FABP3: variants seen among roughly 807,000 people sequenced by gnomAD.
FABP3 encodes the protein fatty acid-binding protein, heart.
A neutral mutation model predicts 13.4 loss-of-function variants in FABP3; 8 were observed. The observed-to-expected ratio is 0.60, with a 90% CI of 0.35 to 1.07. FABP3 has a LOEUF of 1.07. FABP3 is among the 50% of genes least tolerant of loss of function. FABP3 has a pLI of 0.02. For missense variants in FABP3, 135 were observed against 164.7 expected (o/e 0.82, Z 0.99); for synonymous variants, 64 against 60.0 (o/e 1.07, Z -0.31).
chr1:31,366,002 C>T (rs1324586037), intron 3 of FABP3, 63 bp from the exon 4 acceptor site: 1 of 1,393,766 alleles, frequency 7.2e-7, no homozygotes, highest in African/African-American at 1.4e-5. Flanking sequence ...AGCATTCTAC[C>T]CTCCCTTCCT....
At chr1:31,367,776 A>G (rs1199939177) in intron 2 of FABP3, among the ~76,000 whole-genome samples, 1 of 152,158 alleles carries the variant, frequency 6.6e-6, no homozygotes, top group East Asian at 1.9e-4. Flanking sequence ...TGGCTCTGAG[A>G]AGTACCACAA....
intron 1 of FABP3, among the ~76,000 whole-genome samples, chr1:31,371,553 A>G (rs1277101394): frequency 6.6e-6 from 1 of 152,200 alleles, no homozygotes; most frequent in Non-Finnish European, 1.5e-5. Flanking sequence ...CTGCCTTAAC[A>G]TAAGCTGCTG....
At chr1:31,362,004 G>A (rs978162072), downstream of FABP3, among the ~76,000 whole-genome samples, 1 of 152,014 alleles carries the variant, frequency 6.6e-6, no homozygotes, top group Non-Finnish European at 1.5e-5. Context: ...TAGAGACAGG[G>A]TTTCACCATG....
At chr1:31,363,269 C>T (rs1343433053), downstream of FABP3, among the ~76,000 whole-genome samples, 5 of 151,620 alleles carry the variant, frequency 3.3e-5, no homozygotes, top group African/African-American at 2.4e-5. Context: ...CTGCAAGCTC[C>T]GCCTCCTGGG....
In FABP3 at chr1:31,372,334, A is replaced by G. The variant is rs569883891; in HGVS notation, c.73+608T>C. ...CAGACAGTGATGAAGGCCTGGATAC[A>G]TAGACTGCAGGACAAGGTCAGACTG... On this transcript the variant is annotated intron_variant, in intron 1 of 3. Transcript: ENST00000373713. Among the ~76,000 whole-genome samples, 6 of 152,264 alleles carry G rather than the reference A, an allele frequency of 3.9e-5. No homozygotes were observed. In the East Asian group the frequency reaches 1.2e-3, roughly 29 times the overall value.
At chr1:31,360,217 T>A in the FABP3 span, among the ~76,000 whole-genome samples, 2 of 151,964 alleles carry the variant, frequency 1.3e-5, no homozygotes, top group African/African-American at 2.4e-5. Flanking sequence ...TTGCCCAGGC[T>A]GGAGTGCAGT....
Position 31,365,882 on chromosome 1 carries a change from C to G in FABP3, c.*4G>C. ...GAGTAGTAGTCAGCAACAGTGCAGT[C>G]AGGTCATGCCTCTTTCTCATAAGTG... On this transcript the variant is annotated 3_prime_UTR_variant, in exon 4 of 4. Transcript: ENST00000373713. 1 of 1,613,834 alleles carries G rather than the reference C, an allele frequency of 6.2e-7. No homozygotes were observed. Among genetic ancestry groups the G allele is most frequent in the Non-Finnish European group, 8.5e-7 (1 of 1,179,886 alleles).
At position 31,372,863 on chromosome 1, in the gene FABP3, C is replaced by T. The variant is rs548893219; in HGVS notation, c.73+79G>A. The stretch of plus-strand genomic sequence containing the variant: ...TCCCCAGTCTTAACCAGGAGGGATG[C>T]GGCAGGAGTGCTGCGTGGGGCTAGG... On this transcript the variant is annotated intron_variant, in intron 1 of 3. Coordinates refer to ENST00000373713, the MANE Select transcript of FABP3 (RefSeq NM_004102.5). 1.8e-5 allele frequency: 24 copies of T among 1,352,140 alleles called. No individual in the cohort carries two copies. The East Asian group carries it at 2.5e-4, about 14-fold the overall frequency. 83.8% of individuals were successfully genotyped at this position (1,352,140 alleles called of 1,614,324 possible).
downstream of FABP3, among the ~76,000 whole-genome samples, chr1:31,363,435 G>A (rs569488347): frequency 2.6e-5 from 4 of 152,162 alleles, no homozygotes; most frequent in East Asian, 5.8e-4. Context: ...CACCTGCCTC[G>A]GCCTCCCAAA....
rs61780773 is a variant in FABP3 at position 31,365,406 on chromosome 1, C to T, written c.*480G>A. Among the ~76,000 whole-genome samples the T allele has an allele frequency of 0.14, 21,510 of 152,176 alleles. 1,668 individuals carry two copies. The highest frequency in any genetic ancestry group is 0.17 in the African/African-American group (7,204 of 41,494). On this transcript the variant is annotated 3_prime_UTR_variant, in exon 4 of 4. Coordinates refer to ENST00000373713, the MANE Select transcript of FABP3 (RefSeq NM_004102.5). Reference sequence around the variant, plus strand: ...ATAGCCAAACCTGGGGAAGCCCCATCACTGACTGAACTAGGTCATTTGACC... The same window carrying T: ...ATAGCCAAACCTGGGGAAGCCCCATTACTGACTGAACTAGGTCATTTGACC...
intron 2 of FABP3, among the ~76,000 whole-genome samples, chr1:31,368,657 C>A (rs948304435): frequency 1.3e-5 from 2 of 152,212 alleles, no homozygotes; most frequent in African/African-American, 4.8e-5. Flanking sequence ...CCCTTAAGTT[C>A]TCTCGCTCCC....
chr1:31,372,440 C>G (rs1387963206), intron 1 of FABP3, among the ~76,000 whole-genome samples: 1 of 152,166 alleles, frequency 6.6e-6, no homozygotes, highest in Non-Finnish European at 1.5e-5. Context: ...ACTGCAGGTT[C>G]CTGTCTTACG....
chr1:31,368,805 A>G (rs1640155764), intron 2 of FABP3, among the ~76,000 whole-genome samples: 1 of 152,212 alleles, frequency 6.6e-6, no homozygotes, highest in African/African-American at 2.4e-5. Flanking sequence ...ATCACGGAAC[A>G]TAGCTCTTCC....
chr1:31,362,218 G>T (rs1358855898), downstream of FABP3, among the ~76,000 whole-genome samples: 2 of 152,212 alleles, frequency 1.3e-5, no homozygotes, highest in Admixed American at 6.5e-5. Context: ...CCAGAACTCA[G>T]GTCCAGGTCT....
At chr1:31,364,051 A>G (rs2148491293), downstream of FABP3, 1 of 1,612,338 alleles carries the variant, frequency 6.2e-7, no homozygotes, top group African/African-American at 1.3e-5. Flanking sequence ...AAAAAGAAAC[A>G]TAGAGATAGG....
chr1:31,369,159 T>C (rs147827164), intron 2 of FABP3: 31 of 535,222 alleles, frequency 5.8e-5, no homozygotes, highest in African/African-American at 5.2e-4. Context: ...AGGCAGACAA[T>C]AGATGAATCC....
downstream of FABP3, among the ~76,000 whole-genome samples, chr1:31,360,985 A>G (rs1639866449): frequency 1.3e-5 from 2 of 152,196 alleles, no homozygotes; most frequent in Non-Finnish European, 2.9e-5. Context: ...CCAGGCTTGC[A>G]GGGAACTGGT....
At chr1:31,370,603 A>G (rs1199219080) in intron 1 of FABP3, among the ~76,000 whole-genome samples, 1 of 152,230 alleles carries the variant, frequency 6.6e-6, no homozygotes, top group Non-Finnish European at 1.5e-5. Flanking sequence ...CTAAAGCGGT[A>G]GCAACAATGA....
downstream of FABP3, among the ~76,000 whole-genome samples, chr1:31,361,050 G>A (rs189011320): frequency 1.2e-4 from 18 of 152,254 alleles, no homozygotes; most frequent in South Asian, 3.3e-3. Flanking sequence ...TATATAAGGG[G>A]CAGAACCCAG....
Sources: gnomAD v4.1 joint callset for allele counts (sites outside exome capture counted in the v4.1 genomes callset) on GRCh38, gnomAD v4.1.1 for gene constraint, MANE v1.5 for transcripts, NCBI Gene and HGNC (gene_info 2026-07-23, HGNC 2026-07-21) for gene names.